UBR3: variants seen among roughly 807,000 people sequenced by gnomAD.
The protein encoded by UBR3 is ubiquitin protein ligase E3 component n-recognin 3.
Under a neutral mutation model 243.2 loss-of-function variants are expected in UBR3, and 85 were observed. The observed-to-expected ratio is 0.35, with a 90% CI of 0.29 to 0.42. UBR3 has a LOEUF of 0.42. Among genes scored for constraint, UBR3 ranks in the 10% least tolerant of loss-of-function variants. The pLI, the probability that UBR3 is intolerant of heterozygous loss-of-function variation, is 1.00. For missense variants in UBR3, 1,686 were observed against 2,300.8 expected, an observed-to-expected ratio of 0.73 and a Z score of 5.47; for synonymous variants, 748 against 799.8, an observed-to-expected ratio of 0.94 and a Z score of 1.09.
At chr2:169,978,473 T>C (rs2105382028) in intron 24 of UBR3, among the ~76,000 whole-genome samples, 1 of 152,208 alleles carries the variant, frequency 6.6e-6, no homozygotes, top group South Asian at 2.1e-4. Context: ...ACAGGTCACA[T>C]CTTGCCTCTG....
intron 11 of UBR3, among the ~76,000 whole-genome samples, chr2:169,920,108 C>T (rs955065502): frequency 2.6e-5 from 4 of 152,130 alleles, no homozygotes; most frequent in Non-Finnish European, 5.9e-5. Flanking sequence ...GGCAGATATA[C>T]GCCATGGAAT....
At chr2:169,906,774 T>C (rs1232404969) in intron 10 of UBR3, among the ~76,000 whole-genome samples, 1 of 152,146 alleles carries the variant, frequency 6.6e-6, no homozygotes, top group Non-Finnish European at 1.5e-5. Context: ...TTGACTCTGC[T>C]TCTTTTTTAC....
Position 169,946,358 on chromosome 2 carries a change from T to C in UBR3, c.2876T>C (p.Leu959Pro). The change falls in exon 21 of 39, where the codon CTT becomes CCT. Residue 959 changes from leucine (L) to proline (P), a missense_variant. Around this residue, in one of 8 missense-constraint regions of UBR3, gnomAD observed 300 missense variants for 314.4 expected, o/e 0.95. Coordinates refer to ENST00000272793, the MANE Select transcript of UBR3 (RefSeq NM_172070.4). ...GTTTTATATCTGATTGAATTAGGACTTGAAAATTCTGCTGAAGAAGAATCA... is the reference window on the plus strand; with the variant it reads ...GTTTTATATCTGATTGAATTAGGACCTGAAAATTCTGCTGAAGAAGAATCA... ...CMVLYLIELG[L>P]ENSAEEESDE... 1 of 1,504,598 alleles carries C rather than the reference T, an allele frequency of 6.6e-7. No homozygotes were observed. The highest frequency in any genetic ancestry group is 1.3e-5 in the South Asian group (1 of 76,022). 93.2% of individuals were successfully genotyped at this position (1,504,598 alleles called of 1,614,324 possible). A position where few individuals can be genotyped will look rare whatever the true frequency, so the allele number is the denominator to read the frequency against.
In UBR3 at chr2:169,924,158, C is replaced by G. The variant is rs1277451308; in HGVS notation, c.2007C>G (p.His669Gln). The G allele has an allele frequency of 6.5e-7, 1 of 1,546,034 alleles. No individual in the cohort carries two copies. The highest frequency in any genetic ancestry group is 1.2e-5 in the South Asian group (1 of 81,786). The part of the protein sequence containing the change: ...DQEMLMKLMI[H>Q]PLQIQASLAE... ...AAATGTTAATGAAACTAATGATTCA[C>G]CCACTCCAAATTCAAGTATGTATTC... Residue 669 changes from histidine (H) to glutamine (Q), a missense_variant, in exon 13 of 39, where the codon CAC becomes CAG. By Grantham distance (24) the His-to-Gln change is conservative. This residue lies in a region of UBR3 where 346 missense variants were observed against 585.8 expected (regional missense o/e 0.59). Coordinates refer to ENST00000272793, the MANE Select transcript of UBR3 (RefSeq NM_172070.4).
chr2:170,072,341 A>T (rs1235645282), intron 35 of UBR3, among the ~76,000 whole-genome samples: 1 of 151,826 alleles, frequency 6.6e-6, no homozygotes. Context: ...CAAACACCGC[A>T]TATTCTCACT....
At chr2:170,044,487 A>G (rs1192543406) in intron 32 of UBR3, among the ~76,000 whole-genome samples, 1 of 152,090 alleles carries the variant, frequency 6.6e-6, no homozygotes, top group African/African-American at 2.4e-5. Context: ...CTTGCATCTT[A>G]TGTTTCATAA....
chr2:169,960,926 A>G (rs1380813024), intron 24 of UBR3, among the ~76,000 whole-genome samples: 5 of 152,086 alleles, frequency 3.3e-5, no homozygotes, highest in Non-Finnish European at 1.5e-5. Flanking sequence ...GGACCCCTTC[A>G]AAGAGACTAT....
intron 10 of UBR3, among the ~76,000 whole-genome samples, chr2:169,909,304 T>C (rs1179204907): frequency 2.0e-5 from 3 of 152,186 alleles, no homozygotes; most frequent in African/African-American, 7.2e-5. Flanking sequence ...GTGATCAGAT[T>C]TACACTTAAA....
intron 27 of UBR3, among the ~76,000 whole-genome samples, chr2:170,004,396 A>C (rs1397389973): frequency 6.6e-6 from 1 of 152,140 alleles, no homozygotes; most frequent in Non-Finnish European, 1.5e-5. Flanking sequence ...TGTTTGGGAG[A>C]CTACTTAGGA....
chr2:170,026,109 A>G (rs1353645250), intron 30 of UBR3, among the ~76,000 whole-genome samples: 1 of 151,884 alleles, frequency 6.6e-6, no homozygotes, highest in Non-Finnish European at 1.5e-5. Flanking sequence ...TTAATGAGAA[A>G]TGTCACCTTT....
Position 169,995,222 on chromosome 2 carries a change from T to C in UBR3, c.3918+766T>C, listed in dbSNP as rs116250316. 8.7e-3 allele frequency among the ~76,000 whole-genome samples: 1,322 copies of C among 152,314 alleles called. 16 individuals carry two copies. The highest frequency in any genetic ancestry group is 0.03 in the African/African-American group (1,266 of 41,572). On this transcript the variant is annotated intron_variant, in intron 26 of 38. Transcript: ENST00000272793. ...CCGCATATTTGTTATTGTTTGTTTTTAAACTGCATGGTAATAGGAAGTGCT... is the reference window on the plus strand; with the variant it reads ...CCGCATATTTGTTATTGTTTGTTTTCAAACTGCATGGTAATAGGAAGTGCT...
chr2:169,861,309 C>T (rs1215251699), intron 1 of UBR3, among the ~76,000 whole-genome samples: 2 of 152,128 alleles, frequency 1.3e-5, no homozygotes, highest in Non-Finnish European at 2.9e-5. Context: ...TCCTACTCGT[C>T]TTTTCAAAAA....
In UBR3 at chr2:169,848,508, TTTTATA is replaced by T. The variant is rs2082558735; in HGVS notation, c.545+20467_545+20472del. 5.3e-5 allele frequency among the ~76,000 whole-genome samples: 8 copies of T among 151,924 alleles called. 1 individual carries two copies. Among genetic ancestry groups the T allele is most frequent in the South Asian group, 4.2e-4 (2 of 4,818 alleles). ...TTCTATATTACAGTTATATTTACTT[TTTTATA>T]TTTATATTTAAGTTCACTTAGGGCA... On this transcript the variant is annotated intron_variant, in intron 1 of 38. Transcript: ENST00000272793.
chr2:169,891,607 G>GAC (rs778865332), intron 6 of UBR3, among the ~76,000 whole-genome samples: 9 of 38,654 alleles, frequency 2.3e-4, no homozygotes, highest in South Asian at 1.6e-3. Context: ...GTGAGAGAGA[G>GAC]ACAGAGACAC....
At chr2:170,009,512 G>A (rs2090021881) in intron 29 of UBR3, among the ~76,000 whole-genome samples, 1 of 152,018 alleles carries the variant, frequency 6.6e-6, no homozygotes, top group South Asian at 2.1e-4. Context: ...AGATTAGGAA[G>A]GATTAGTCTA....
chr2:169,915,363 A>C (rs532093182), intron 11 of UBR3, among the ~76,000 whole-genome samples: 4 of 152,034 alleles, frequency 2.6e-5, no homozygotes, highest in Non-Finnish European at 5.9e-5. Flanking sequence ...CCTCCCGAGT[A>C]GCTGGGATTA....
intron 24 of UBR3, among the ~76,000 whole-genome samples, chr2:169,967,322 A>G (rs1298942142): frequency 2.0e-5 from 3 of 146,482 alleles, no homozygotes; most frequent in Non-Finnish European, 4.5e-5. Context: ...TATGAGATCA[A>G]TTGCAAAATA....
At chr2:169,947,309 GAATTT>G (rs1448123523) in intron 21 of UBR3, 17 of 314,482 alleles carry the variant, frequency 5.4e-5, no homozygotes, top group Non-Finnish European at 8.6e-5. Context: ...TTTAAATCAG[GAATTT>G]AGCTGATTCC....
chr2:170,064,692 A>C (rs1294295813), intron 35 of UBR3, among the ~76,000 whole-genome samples: 5 of 150,458 alleles, frequency 3.3e-5, no homozygotes, highest in African/African-American at 9.8e-5. Flanking sequence ...CTATTAAGCT[A>C]TTTGTTTCTG....
Sources: allele counts gnomAD v4.1 joint callset (sites outside exome capture counted in the v4.1 genomes callset), GRCh38; gene constraint gnomAD v4.1.1; regional missense constraint gnomAD v4.1.1; transcripts MANE v1.5; gene names NCBI Gene and HGNC (gene_info 2026-07-23, HGNC 2026-07-21).